The following TASP1 variants were observed in gnomAD, a reference collection of about 807,000 sequenced individuals.
The protein encoded by TASP1 is threonine aspartase 1.
In TASP1, 16 loss-of-function variants were observed where a neutral mutation model predicts 56.6. The observed-to-expected ratio is 0.28, with a 90% CI of 0.19 to 0.43. The LOEUF is 0.43. Ranked by LOEUF, TASP1 falls within the 20% of genes least tolerant of loss-of-function variation. The probability of loss-of-function intolerance (pLI) is 1.00; values close to 1 mark genes in which losing one functional copy is unlikely to be tolerated. For missense variants in TASP1, 393 were observed against 511.6 expected, an observed-to-expected ratio of 0.77 and a Z score of 2.24; for synonymous variants, 179 against 184.2, an observed-to-expected ratio of 0.97 and a Z score of 0.23.
chr20:13,396,889 C>T (rs2041561689), intron 13 of TASP1, among the ~76,000 whole-genome samples: 1 of 152,210 alleles, frequency 6.6e-6, no homozygotes, highest in Non-Finnish European at 1.5e-5. Flanking sequence ...ATTGTTCTCA[C>T]ATACAAATAT....
the TASP1 span, among the ~76,000 whole-genome samples, chr20:13,300,931 G>A: frequency 6.6e-6 from 1 of 152,094 alleles, no homozygotes; most frequent in Non-Finnish European, 1.5e-5. Flanking sequence ...AGATGAGCAG[G>A]GCCACTTCCA....
At chr20:13,314,810 C>T in the TASP1 span, among the ~76,000 whole-genome samples, 216 of 152,122 alleles carry the variant, frequency 1.4e-3, no homozygotes, top group Admixed American at 7.2e-3. Context: ...TTCAATTATG[C>T]ACATATCTAT....
chr20:13,387,428 A>G (rs752695148), downstream of TASP1, among the ~76,000 whole-genome samples: 7 of 152,060 alleles, frequency 4.6e-5, no homozygotes, highest in African/African-American at 7.2e-5. Context: ...ACCTCAGGTG[A>G]TCCACCCACC....
intron 13 of TASP1, among the ~76,000 whole-genome samples, chr20:13,407,207 A>T (rs1828073624): frequency 6.6e-6 from 1 of 152,172 alleles, no homozygotes; most frequent in South Asian, 2.1e-4. Context: ...TTTCGTCACC[A>T]CTAAAAGAAA....
intron 12 of TASP1, among the ~76,000 whole-genome samples, chr20:13,423,464 A>G (rs1157701923): frequency 6.6e-6 from 1 of 152,234 alleles, no homozygotes; most frequent in Non-Finnish European, 1.5e-5. Flanking sequence ...TTGATTTAGA[A>G]CTTATTAATG....
the TASP1 span, among the ~76,000 whole-genome samples, chr20:13,246,797 G>A: frequency 6.6e-6 from 1 of 152,146 alleles, no homozygotes; most frequent in East Asian, 1.9e-4. Context: ...TCTTTTCAAT[G>A]TAAAACCACC....
chr20:13,532,010 G>C (rs2045240597), intron 9 of TASP1, among the ~76,000 whole-genome samples: 1 of 152,138 alleles, frequency 6.6e-6, no homozygotes, highest in African/African-American at 2.4e-5. Context: ...AAAGTGCTGG[G>C]ATTACAGAAA....
At chr20:13,324,031 A>G in the TASP1 span, among the ~76,000 whole-genome samples, 27 of 152,192 alleles carry the variant, frequency 1.8e-4, no homozygotes, top group Non-Finnish European at 1.5e-5. Context: ...AAGGACAACA[A>G]CTTGCAGTGG....
the TASP1 span, chr20:13,164,701 G>C: frequency 1.4e-6 from 2 of 1,394,772 alleles, no homozygotes; most frequent in Non-Finnish European, 2.0e-6. Flanking sequence ...GCTCTGCAAA[G>C]CAGGGCTACT....
chr20:13,430,651 T>C (rs1364882088), intron 12 of TASP1, among the ~76,000 whole-genome samples: 1 of 152,212 alleles, frequency 6.6e-6, no homozygotes, highest in African/African-American at 2.4e-5. Context: ...CATAAATTTA[T>C]TGGTTGGAAG....
At chr20:13,235,390 C>T in the TASP1 span, among the ~76,000 whole-genome samples, 1 of 152,214 alleles carries the variant, frequency 6.6e-6, no homozygotes, top group Non-Finnish European at 1.5e-5. Flanking sequence ...AGTTCTGCTC[C>T]TCAGTTAAGT....
the TASP1 span, among the ~76,000 whole-genome samples, chr20:13,129,615 G>A: frequency 7.9e-5 from 12 of 152,148 alleles, no homozygotes; most frequent in South Asian, 2.1e-4. Flanking sequence ...ACTCATTTCC[G>A]GAGTCCTTTG....
At chr20:13,299,415 G>A in the TASP1 span, 1 of 1,610,772 alleles carries the variant, frequency 6.2e-7, no homozygotes, top group Non-Finnish European at 8.5e-7. This position sits in a 1 kb window ranked among gnomAD's most constrained non-coding sequence, Gnocchi z 5.8. Flanking sequence ...GAGCCCCTCG[G>A]ACGAGGACTA....
intron 10 of TASP1, among the ~76,000 whole-genome samples, chr20:13,504,240 GT>G (rs1383859247): frequency 1.3e-5 from 2 of 151,900 alleles, no homozygotes; most frequent in African/African-American, 4.8e-5. Flanking sequence ...ATTCCCAAAG[GT>G]GTCAACAGAT....
intron 13 of TASP1, among the ~76,000 whole-genome samples, chr20:13,416,873 G>C (rs1368255044): frequency 6.6e-6 from 1 of 152,234 alleles, no homozygotes; most frequent in Non-Finnish European, 1.5e-5. Context: ...TGTGATTATT[G>C]CAACTCACTG....
chr20:13,594,724 T>C (rs969359964), intron 4 of TASP1, among the ~76,000 whole-genome samples: 3 of 152,170 alleles, frequency 2.0e-5, no homozygotes, highest in African/African-American at 4.8e-5. Context: ...TATGGGACTA[T>C]GTGAAAAGAC....
chr20:13,387,829 T>A (rs1304622502), downstream of TASP1, among the ~76,000 whole-genome samples: 1 of 152,184 alleles, frequency 6.6e-6, no homozygotes, highest in Non-Finnish European at 1.5e-5. Flanking sequence ...CATTTAGACA[T>A]GGTAATTAGA....
the TASP1 span, among the ~76,000 whole-genome samples, chr20:13,312,118 A>G: frequency 1.3e-5 from 2 of 152,194 alleles, no homozygotes; most frequent in Non-Finnish European, 2.9e-5. Context: ...GATACGAGTT[A>G]AATCTGAGTA....
the TASP1 span, chr20:13,110,014 A>T: frequency 1.1e-6 from 1 of 936,182 alleles, no homozygotes; most frequent in Non-Finnish European, 1.6e-6. Flanking sequence ...CTGAAAGTTT[A>T]GGTCTGAGTG....
Sources: gnomAD v4.1 joint callset for allele counts (sites outside exome capture counted in the v4.1 genomes callset) on GRCh38, gnomAD v4.1.1 for gene constraint, Gnocchi (gnomAD v3.1) non-coding constraint, MANE v1.5 for transcripts, NCBI Gene and HGNC (gene_info 2026-07-23, HGNC 2026-07-21) for gene names.